The following TMEM45B variants were observed in gnomAD, a reference collection of about 807,000 sequenced individuals.
TMEM45B encodes the protein transmembrane protein 45B.
Under a neutral mutation model 27.3 loss-of-function variants are expected in TMEM45B, and 29 were observed. That is an observed-to-expected ratio of 1.06 (90% CI 0.79 to 1.45). The LOEUF is 1.45. Ranked by LOEUF, TMEM45B falls within the 40% of genes most tolerant of loss-of-function variation. TMEM45B has a pLI of 0.00. For synonymous variants in TMEM45B, 143 were observed against 134.7 expected (o/e 1.06, Z -0.43); for missense variants, 348 against 343.9 (o/e 1.01, Z -0.09).
At position 129,858,670 on chromosome 11, in the gene TMEM45B, C is replaced by T; in HGVS notation, c.813C>T (p.Gly271=). 1 of 1,562,460 alleles carries T rather than the reference C, an allele frequency of 6.4e-7. No individual in the cohort carries two copies. Among genetic ancestry groups the T allele is most frequent in the South Asian group, 1.2e-5 (1 of 84,870 alleles). The stretch of plus-strand genomic sequence containing the variant: ...CTTACCAGACCGCCCTCTTGAGTGG[C>T]TCAGATGAGGAATGAGCCGAGATGC... ...DDTYQTALLS[G]SDEE is the part of the protein sequence containing the mutation. Residue 271 remains glycine (G), a synonymous_variant, in exon 6 of 6, where the codon GGC becomes GGT. Transcript: ENST00000281441.
intron 1 of TMEM45B, among the ~76,000 whole-genome samples, chr11:129,817,608 T>A (rs1200401703): frequency 6.6e-6 from 1 of 152,242 alleles, no homozygotes; most frequent in African/African-American, 2.4e-5. Flanking sequence ...TTCATGAAGA[T>A]GGAAACAGTG....
At chr11:129,856,084 G>A (rs988837862) in intron 4 of TMEM45B, among the ~76,000 whole-genome samples, 192 bp downstream of exon 4, 2 of 152,176 alleles carry the variant, frequency 1.3e-5, no homozygotes, top group South Asian at 4.1e-4. Context: ...AACATCCAGA[G>A]GATGCATTAG....
At chr11:129,851,663 A>G (rs1241553403) in intron 1 of TMEM45B, among the ~76,000 whole-genome samples, 1 of 151,878 alleles carries the variant, frequency 6.6e-6, no homozygotes, top group East Asian at 1.9e-4. Context: ...CCCACCCTAC[A>G]TATTCTTTAG....
chr11:129,827,462 A>G (rs1385861985), intron 1 of TMEM45B, among the ~76,000 whole-genome samples: 2 of 152,208 alleles, frequency 1.3e-5, no homozygotes, highest in Non-Finnish European at 2.9e-5. Flanking sequence ...CAGTTATAGC[A>G]CAGTGGTAAG....
At chr11:129,857,203 A>G in intron 4 of TMEM45B, 110 bp from the exon 5 acceptor site, 1 of 1,279,146 alleles carries the variant, frequency 7.8e-7, no homozygotes, top group Non-Finnish European at 1.1e-6. Flanking sequence ...AAGTGTGGGA[A>G]CTATGAGGCG....
intron 1 of TMEM45B, among the ~76,000 whole-genome samples, chr11:129,843,409 A>G (rs1477567354): frequency 6.6e-6 from 1 of 152,182 alleles, no homozygotes; most frequent in African/African-American, 2.4e-5. Flanking sequence ...ACTATAATCT[A>G]TTTCATATGT....
chr11:129,832,062 T>C (rs1241269106), intron 1 of TMEM45B, among the ~76,000 whole-genome samples: 2 of 30,902 alleles, frequency 6.5e-5, no homozygotes, highest in Non-Finnish European at 1.3e-4. Flanking sequence ...CGAGATTCCA[T>C]CTCAAAAAAA....
intron 1 of TMEM45B, among the ~76,000 whole-genome samples, chr11:129,835,413 G>A (rs1947608365): frequency 6.6e-6 from 1 of 152,164 alleles, no homozygotes; most frequent in Non-Finnish European, 1.5e-5. Flanking sequence ...GATTGCATAG[G>A]AGGCCAAGGT....
At position 129,857,414 on chromosome 11, in the gene TMEM45B, G is replaced by A; in HGVS notation, c.672G>A (p.Leu224=). ...FITMCFCWHY[L]AALSIVAVNY... ...CCATGTGCTTCTGCTGGCACTACCT[G>A]GCTGCCCTCAGCATTGTGGCCGTCA... Residue 224 remains leucine (L), a synonymous_variant, in exon 5 of 6, where the codon CTG becomes CTA. Transcript: ENST00000281441. 1 of 1,614,140 alleles carries A rather than the reference G, an allele frequency of 6.2e-7. No homozygotes were observed. The highest frequency in any genetic ancestry group is 8.5e-7 in the Non-Finnish European group (1 of 1,180,036).
Position 129,855,812 on chromosome 11 carries a change from G to C in TMEM45B, c.490G>C (p.Glu164Gln). 1.2e-6 allele frequency: 2 copies of C among 1,614,122 alleles called. No individual in the cohort carries two copies. The highest frequency in any genetic ancestry group is 2.2e-5 in the South Asian group (2 of 91,078). ...LFGGCVSISLEVIFRDHIVLE... is the reference protein window; with the variant it reads ...LFGGCVSISLQVIFRDHIVLE... ...CGGAGGGTGTGTTAGTATCTCCCTA[G>C]AGGTGATCTTCCGGGACCACATTGT... The change falls in exon 4 of 6, where the codon GAG becomes CAG. Residue 164 changes from glutamate (E) to glutamine (Q), a missense_variant. Coordinates refer to ENST00000281441, the MANE Select transcript of TMEM45B (RefSeq NM_138788.5).
At chr11:129,841,371 A>G (rs1309873712) in intron 1 of TMEM45B, among the ~76,000 whole-genome samples, 7 of 152,130 alleles carry the variant, frequency 4.6e-5, no homozygotes, top group Non-Finnish European at 1.0e-4. Flanking sequence ...GCCAACCAGG[A>G]ATTTAACAGG....
chr11:129,839,724 C>G (rs1189757790), intron 1 of TMEM45B, among the ~76,000 whole-genome samples: 9 of 152,000 alleles, frequency 5.9e-5, no homozygotes, highest in Non-Finnish European at 1.0e-4. Flanking sequence ...TTAGTAGAGA[C>G]GGGTCTCACT....
intron 1 of TMEM45B, among the ~76,000 whole-genome samples, chr11:129,848,117 C>G (rs1342432746): frequency 2.0e-5 from 3 of 149,966 alleles, no homozygotes; most frequent in Admixed American, 6.7e-5. Context: ...GACGGGGTGG[C>G]GGCCGGGCAG....
intron 1 of TMEM45B, among the ~76,000 whole-genome samples, chr11:129,848,434 G>A (rs1022171845): frequency 6.6e-6 from 1 of 152,232 alleles, no homozygotes. Context: ...AATCAGGCAG[G>A]GAGGTTGCAG....
chr11:129,821,179 T>C (rs1947415502), intron 1 of TMEM45B, among the ~76,000 whole-genome samples: 1 of 152,176 alleles, frequency 6.6e-6, no homozygotes. Context: ...GAATGGGGTG[T>C]AGGAGTTGCT....
rs967113032 is a variant in TMEM45B at position 129,852,665 on chromosome 11, G to A, written c.178+5G>A. 6 of 1,595,144 alleles carry A rather than the reference G, an allele frequency of 3.8e-6. No individual in the cohort carries two copies. Among genetic ancestry groups the A allele is most frequent in the Admixed American group, 3.4e-5 (2 of 59,694 alleles). ...GGACTTTGTTTTCCGTCACTGGTAA[G>A]AGCAGGGGTCATTTGGTCTAGGGAA... On this transcript the variant is annotated splice_donor_5th_base_variant and intron_variant, in intron 2 of 5. Coordinates refer to ENST00000281441, the MANE Select transcript of TMEM45B (RefSeq NM_138788.5).
At chr11:129,823,635 C>G (rs1947447104) in intron 1 of TMEM45B, among the ~76,000 whole-genome samples, 1 of 152,156 alleles carries the variant, frequency 6.6e-6, no homozygotes, top group Non-Finnish European at 1.5e-5. Flanking sequence ...TTTTATGTCA[C>G]CACCTCTTGG....
At chr11:129,845,417 A>C (rs928432758) in intron 1 of TMEM45B, among the ~76,000 whole-genome samples, 2 of 151,884 alleles carry the variant, frequency 1.3e-5, no homozygotes, top group Non-Finnish European at 2.9e-5. Flanking sequence ...ATTGGAACAA[A>C]GTCACTATAT....
intron 1 of TMEM45B, among the ~76,000 whole-genome samples, chr11:129,845,367 G>GTGTA (rs1420336113): frequency 6.8e-6 from 1 of 146,050 alleles, no homozygotes; most frequent in Non-Finnish European, 1.5e-5. Flanking sequence ...GTGTGTGTGT[G>GTGTA]TATGCATGAA....
Sources: allele counts gnomAD v4.1 joint callset (sites outside exome capture counted in the v4.1 genomes callset), GRCh38; gene constraint gnomAD v4.1.1; transcripts MANE v1.5; gene names NCBI Gene and HGNC (gene_info 2026-07-23, HGNC 2026-07-21).